Variants in FIGN observed in about 807,000 individuals in gnomAD.
FIGN encodes fidgetin.
Under a neutral mutation model 51.3 loss-of-function variants are expected in FIGN, and 11 were observed. That is an observed-to-expected ratio of 0.21 (90% CI 0.13 to 0.35). The LOEUF is 0.35. FIGN is among the 10% of genes least tolerant of loss of function. The pLI is 1.00. For missense variants in FIGN, 857 were observed against 943.6 expected, an observed-to-expected ratio of 0.91 and a Z score of 1.20; for synonymous variants, 407 against 363.2, an observed-to-expected ratio of 1.12 and a Z score of -1.37.
intron 2 of FIGN, among the ~76,000 whole-genome samples, chr2:163,689,590 C>T (rs1422633019): frequency 1.3e-5 from 2 of 152,056 alleles, no homozygotes; most frequent in African/African-American, 2.4e-5. Context: ...GAATTTCAAT[C>T]GAGTAGTGTT....
At chr2:163,643,958 A>AAAAAAAAAAAAG (rs1270596923) in intron 2 of FIGN, among the ~76,000 whole-genome samples, 1 of 146,856 alleles carries the variant, frequency 6.8e-6, no homozygotes, top group African/African-American at 2.5e-5. Context: ...AAAAAAAAAA[A>AAAAAAAAAAAAG]GTCAGAATGG....
At chr2:163,675,706 C>CTTTTTTTTTTTTTTTTTTTTTTTTTTTTT (rs900840520) in intron 2 of FIGN, among the ~76,000 whole-genome samples, 1 of 100,494 alleles carries the variant, frequency 1.0e-5, no homozygotes, top group African/African-American at 3.8e-5. Context: ...TTCTTTCTTT[C>CTTTTTTTTTTTTTTTTTTTTTTTTTTTTT]TTTTTTTTTT....
At chr2:163,634,330 G>A (rs1683193863) in intron 2 of FIGN, among the ~76,000 whole-genome samples, 1 of 151,874 alleles carries the variant, frequency 6.6e-6, no homozygotes, top group African/African-American at 2.4e-5. Context: ...AATTTCTGTA[G>A]GTATTTCTAT....
intron 2 of FIGN, among the ~76,000 whole-genome samples, chr2:163,669,109 C>T (rs1683834955): frequency 6.6e-6 from 1 of 151,018 alleles, no homozygotes; most frequent in Non-Finnish European, 1.5e-5. Context: ...ACTCCTTTTA[C>T]TCATTTATAT....
intron 2 of FIGN, among the ~76,000 whole-genome samples, chr2:163,631,241 C>A (rs1683141151): frequency 6.6e-6 from 1 of 152,102 alleles, no homozygotes; most frequent in African/African-American, 2.4e-5. Flanking sequence ...ATTTAGTATT[C>A]TAAATATTTT....
rs527576229 is a variant in FIGN, at chr2:163,700,318, T to G, written c.25+34585A>C. Among the ~76,000 whole-genome samples, 7 of 152,108 alleles carry G rather than the reference T, an allele frequency of 4.6e-5. No homozygotes were observed. The East Asian group carries it at 1.2e-3, about 25-fold the overall frequency. ...GCTGTTCAAATCATTTGGAAGGCTG[T>G]TAAGGGTACAGATGTGGAAGCATGT... On this transcript the variant is annotated intron_variant, in intron 2 of 2. Transcript: ENST00000333129.
rs141648291 is a variant in FIGN, at chr2:163,611,425, C to A, written c.407G>T (p.Ser136Ile). The change falls in exon 3 of 3, where the codon AGT (serine) becomes ATT (isoleucine). Residue 136 changes from serine (S) to isoleucine (I), a missense_variant. Coordinates refer to ENST00000333129, the MANE Select transcript of FIGN (RefSeq NM_018086.4). ...GACATCTGCTGGAGGGAGGGCTGAA[C>A]TGACTCCAGCTTTGCTGGCAGTGAT... Reference protein sequence around the residue: ...DVITASKAGVSSALPPADVSA... With the variant: ...DVITASKAGVISALPPADVSA... 1.9e-5 allele frequency: 31 copies of A among 1,614,160 alleles called. No homozygotes were observed. In the African/African-American group the frequency reaches 3.6e-4, roughly 19 times the overall value.
intron 2 of FIGN, among the ~76,000 whole-genome samples, chr2:163,685,452 GT>G (rs1272488083): frequency 6.6e-6 from 1 of 152,104 alleles, no homozygotes; most frequent in Non-Finnish European, 1.5e-5. Context: ...ATAAATACAT[GT>G]TTGGCCGTGT....
At chr2:163,628,714 G>C (rs1389882397) in intron 2 of FIGN, among the ~76,000 whole-genome samples, 1 of 151,868 alleles carries the variant, frequency 6.6e-6, no homozygotes, top group East Asian at 1.9e-4. Context: ...GAGGAATGAA[G>C]GAAAGGAAAG....
rs1691086952 is a variant in FIGN at position 163,605,436 on chromosome 2, G to A, written c.*4116C>T. Reference sequence around the variant, plus strand: ...TCGGCAGATGATTCAACAACTGAAGGCTTTACGTTTCAAAAGAAAAAAAAA... The same window carrying A: ...TCGGCAGATGATTCAACAACTGAAGACTTTACGTTTCAAAAGAAAAAAAAA... On this transcript the variant is annotated 3_prime_UTR_variant, in exon 3 of 3. Transcript: ENST00000333129. The A allele has an allele frequency of 6.6e-6, 1 of 151,804 alleles. No homozygotes were observed. Among genetic ancestry groups the A allele is most frequent in the Non-Finnish European group, 1.5e-5 (1 of 67,958 alleles). The allele number at this position is 151,804 out of a possible 1,614,324, so 9.4% of individuals were successfully genotyped here.
chr2:163,728,326 A>G (rs1051372738), intron 2 of FIGN, among the ~76,000 whole-genome samples: 42 of 151,830 alleles, frequency 2.8e-4, no homozygotes, highest in African/African-American at 9.4e-4. Context: ...AGAACCTCCT[A>G]AGCTCTTACT....
At chr2:163,650,506 T>G (rs1409242923) in intron 2 of FIGN, among the ~76,000 whole-genome samples, 1 of 152,180 alleles carries the variant, frequency 6.6e-6, no homozygotes, top group Non-Finnish European at 1.5e-5. Flanking sequence ...GTTTGTCATC[T>G]ACATTAGGTA....
intron 2 of FIGN, among the ~76,000 whole-genome samples, chr2:163,654,914 G>A (rs1683535813): frequency 6.8e-6 from 1 of 146,008 alleles, no homozygotes; most frequent in Non-Finnish European, 1.5e-5. Context: ...ATTCCCAAAG[G>A]AGGAGCGTAC....
intron 2 of FIGN, among the ~76,000 whole-genome samples, chr2:163,635,267 T>A (rs2105313172): frequency 6.6e-6 from 1 of 152,338 alleles, no homozygotes; most frequent in Middle Eastern, 3.4e-3. Context: ...TTAAATATTA[T>A]GTTTAAAAGT....
chr2:163,634,978 T>C (rs1683204267), intron 2 of FIGN, among the ~76,000 whole-genome samples: 1 of 152,200 alleles, frequency 6.6e-6, no homozygotes, highest in African/African-American at 2.4e-5. Flanking sequence ...TAAAAAAATC[T>C]AGTGACAAAC....
At chr2:163,636,621 G>A (rs1014034941) in intron 2 of FIGN, among the ~76,000 whole-genome samples, 2 of 152,110 alleles carry the variant, frequency 1.3e-5, no homozygotes, top group Admixed American at 6.5e-5. Flanking sequence ...GTATGGATGA[G>A]CAACTGCACA....
intron 2 of FIGN, among the ~76,000 whole-genome samples, chr2:163,688,589 T>C (rs186805497): frequency 9.3e-4 from 141 of 152,248 alleles, no homozygotes; most frequent in African/African-American, 3.3e-3. Flanking sequence ...CAGGTTATCA[T>C]AGTTTTAGAA....
intron 2 of FIGN, among the ~76,000 whole-genome samples, chr2:163,622,499 T>C (rs1573909377): frequency 1.3e-5 from 2 of 152,200 alleles, no homozygotes; most frequent in East Asian, 1.9e-4. Flanking sequence ...TAAGTAGCAG[T>C]GTTTGCTAAT....
intron 2 of FIGN, among the ~76,000 whole-genome samples, chr2:163,726,208 T>C (rs761283176): frequency 6.6e-6 from 1 of 152,106 alleles, no homozygotes; most frequent in Admixed American, 6.5e-5. Context: ...TCCCAATGTC[T>C]ACATTTGGGT....
Sources: allele counts gnomAD v4.1 joint callset (sites outside exome capture counted in the v4.1 genomes callset), GRCh38; gene constraint gnomAD v4.1.1; transcripts MANE v1.5; gene names NCBI Gene and HGNC (gene_info 2026-07-23, HGNC 2026-07-21).